CCN5: variants seen among roughly 807,000 people sequenced by gnomAD.
The protein encoded by CCN5 is CCN family member 5.
A neutral mutation model predicts 18.7 loss-of-function variants in CCN5; 17 were observed. The observed-to-expected ratio is 0.91, with a 90% confidence interval of 0.62 to 1.36. CCN5 has a LOEUF of 1.36. Ranked by LOEUF, CCN5 falls within the 40% of genes most tolerant of loss-of-function variation. The probability of loss-of-function intolerance (pLI) is 0.00; values close to 1 mark genes in which losing one functional copy is unlikely to be tolerated. For missense variants in CCN5, 367 were observed against 342.9 expected (o/e 1.07, Z -0.56); for synonymous variants, 135 against 145.2 (o/e 0.93, Z 0.50).
At chr20:44,726,524 C>T (rs566055507) in intron 3 of CCN5, among the ~76,000 whole-genome samples, 1 of 152,112 alleles carries the variant, frequency 6.6e-6, no homozygotes, top group Non-Finnish European at 1.5e-5. Context: ...AGCATCCCCC[C>T]AGTTGTGATC....
chr20:44,724,903 C>G lies in CCN5; in HGVS notation c.443C>G (p.Pro148Arg). 1.3e-6 allele frequency: 2 copies of G among 1,593,616 alleles called. No individual in the cohort carries two copies. The highest frequency in any genetic ancestry group is 1.7e-6 in the Non-Finnish European group (2 of 1,171,418). Reference protein sequence around the residue: ...VRLPSWDCPHPRRVEVLGKCC... With the variant: ...VRLPSWDCPHRRRVEVLGKCC... ...CTGCCCAGCTGGGACTGCCCCCACC[C>G]CAGGAGGGTCGAGGTCCTGGGCAAG... Residue 148 changes from proline (P) to arginine (R), a missense_variant, in exon 3 of 4, where the codon CCC (proline) becomes CGC (arginine). Physicochemically the swap from Pro to Arg is moderately radical, Grantham distance 103 (BLOSUM62 -2). Coordinates refer to ENST00000190983, the MANE Select transcript of CCN5 (RefSeq NM_003881.4).
chr20:44,715,262 AGCGCGC>A (rs1212124803), upstream of CCN5: 10 of 331,336 alleles, frequency 3.0e-5, no homozygotes, highest in African/African-American at 3.3e-4. Flanking sequence ...TGTGTGTGTG[AGCGCGC>A]GCGCGCGCGC....
chr20:44,726,874 T>G (rs1477604404), intron 3 of CCN5, among the ~76,000 whole-genome samples: 1 of 152,200 alleles, frequency 6.6e-6, no homozygotes, highest in Non-Finnish European at 1.5e-5. Context: ...CTAATATTTA[T>G]GGAAATCTTA....
intron 2 of CCN5, 164 bp downstream of exon 2, chr20:44,720,277 C>T (rs2065890357): frequency 2.9e-6 from 2 of 699,912 alleles, no homozygotes; most frequent in Non-Finnish European, 4.8e-6. Flanking sequence ...CCACTCCCCA[C>T]TCCCTCCTCT....
upstream of CCN5, chr20:44,715,302 T>G: frequency 7.9e-7 from 1 of 1,272,882 alleles, no homozygotes; most frequent in African/African-American, 1.5e-5. Context: ...TGCGTGTGCC[T>G]GTGTGTGCCT....
intron 2 of CCN5, chr20:44,720,396 C>T (rs905476213): frequency 6.1e-6 from 3 of 492,926 alleles, no homozygotes; most frequent in African/African-American, 6.0e-5. Flanking sequence ...CAGCTTCTCC[C>T]CTGAGAAGCC....
upstream of CCN5, chr20:44,715,214 A>G (rs1430650398): frequency 3.9e-5 from 24 of 616,110 alleles, no homozygotes; most frequent in Non-Finnish European, 6.4e-5. Context: ...GCAAGGAATG[A>G]AAAAGCTAGT....
At chr20:44,726,118 C>T (rs150786342) in intron 3 of CCN5, among the ~76,000 whole-genome samples, 9 of 152,294 alleles carry the variant, frequency 5.9e-5, no homozygotes, top group African/African-American at 9.6e-5. Flanking sequence ...CACTTCATAG[C>T]GTTGTGAGAA....
In CCN5 at chr20:44,724,873, T is replaced by A; in HGVS notation, c.413T>A (p.Val138Glu). 1 of 1,595,244 alleles carries A rather than the reference T, an allele frequency of 6.3e-7. No homozygotes were observed. Among genetic ancestry groups the A allele is most frequent in the South Asian group, 1.1e-5 (1 of 88,246 alleles). The change falls in exon 3 of 4, where the codon GTG (valine) becomes GAG (glutamate). Residue 138 changes from valine (V) to glutamate (E), a missense_variant. Physicochemically the swap from Val to Glu is moderately radical, Grantham distance 121. Coordinates refer to ENST00000190983, the MANE Select transcript of CCN5 (RefSeq NM_003881.4). The stretch of plus-strand genomic sequence containing the variant: ...TGCGTGCCGCTGTGCAGCGAGGATG[T>A]GCGGCTGCCCAGCTGGGACTGCCCC... Reference protein sequence around the residue: ...FTCVPLCSEDVRLPSWDCPHP... With the variant: ...FTCVPLCSEDERLPSWDCPHP...
At chr20:44,721,702 G>A (rs1289969025) in intron 2 of CCN5, among the ~76,000 whole-genome samples, 1 of 152,122 alleles carries the variant, frequency 6.6e-6, no homozygotes, top group Non-Finnish European at 1.5e-5. Flanking sequence ...GCTGTGACAC[G>A]TGTAAACAGC....
chr20:44,717,358 T>A (rs1235152526), intron 1 of CCN5, among the ~76,000 whole-genome samples: 1 of 152,154 alleles, frequency 6.6e-6, no homozygotes, highest in African/African-American at 2.4e-5. Context: ...TACAGAGTCC[T>A]GCCCCCTGAC....
At chr20:44,726,605 T>C (rs1188776542) in intron 3 of CCN5, among the ~76,000 whole-genome samples, 1 of 152,050 alleles carries the variant, frequency 6.6e-6, no homozygotes, top group African/African-American at 2.4e-5. Flanking sequence ...GGACTTCTAG[T>C]GTAAGACTAG....
intron 1 of CCN5, among the ~76,000 whole-genome samples, chr20:44,718,564 G>A (rs766017526): frequency 6.6e-6 from 1 of 152,164 alleles, no homozygotes; most frequent in Non-Finnish European, 1.5e-5. Context: ...TGCTTTGGTT[G>A]TTTCTCTGAT....
At chr20:44,720,161 C>A in intron 2 of CCN5, 48 bp downstream of exon 2, 2 of 1,524,634 alleles carry the variant, frequency 1.3e-6, no homozygotes, top group South Asian at 2.4e-5. Flanking sequence ...AGCGGGAGGT[C>A]AAGGCCGTGG....
chr20:44,715,303 G>T, upstream of CCN5: 1 of 1,299,458 alleles, frequency 7.7e-7, no homozygotes, highest in Non-Finnish European at 1.1e-6. Flanking sequence ...GCGTGTGCCT[G>T]TGTGTGCCTG....
rs147686268 is a variant in CCN5 at position 44,715,398 on chromosome 20, G to A, written c.8G>A (p.Gly3Asp). The A allele has an allele frequency of 5.1e-4, 815 of 1,602,636 alleles. 6 individuals carry two copies. In the African/African-American group the frequency reaches 9.1e-3, roughly 18 times the overall value. Residue 3 changes from glycine to aspartate, a missense_variant, in exon 1 of 4, where the codon GGC (glycine) becomes GAC (aspartate). Transcript: ENST00000190983. The part of the protein sequence containing the change: MR[G>D]TPKTHLLAFS... ...GCTGGCTCTGCAGGGGACATGAGAG[G>A]CACACCGAAGACCCACCTCCTGGCC...
rs757067522 is a variant in CCN5 at position 44,720,167 on chromosome 20, C to T, written c.277+54C>T. Reference sequence around the variant, plus strand: ...GCGGGTGTGAGCGGGAGGTCAAGGCCGTGGTGTCCTGGATCAAAGTGCAGC... The same window carrying T: ...GCGGGTGTGAGCGGGAGGTCAAGGCTGTGGTGTCCTGGATCAAAGTGCAGC... On this transcript the variant is annotated intron_variant, in intron 2 of 3. Coordinates refer to ENST00000190983, the MANE Select transcript of CCN5 (RefSeq NM_003881.4). The T allele has an allele frequency of 9.2e-4, 1,392 of 1,515,096 alleles. 2 individuals are homozygous for T. The highest frequency in any genetic ancestry group is 1.2e-3 in the Non-Finnish European group (1,336 of 1,129,250). 93.9% of individuals were successfully genotyped at this position (1,515,096 alleles called of 1,614,324 possible).
At chr20:44,719,763 A>T in intron 1 of CCN5, 134 bp from the exon 2 acceptor site, 1 of 854,658 alleles carries the variant, frequency 1.2e-6, no homozygotes, top group Non-Finnish European at 1.8e-6. Context: ...CTGGCCTTTG[A>T]GGCCAGGTCT....
chr20:44,715,258 TGTGAGCGC>T (rs1297197484), upstream of CCN5: 616 of 302,222 alleles, frequency 2.0e-3, 6 homozygotes, highest in African/African-American at 0.013. Context: ...TGTGTGTGTG[TGTGAGCGC>T]GCGCGCGCGC....
Sources: gnomAD v4.1 joint callset for allele counts (sites outside exome capture counted in the v4.1 genomes callset) on GRCh38, gnomAD v4.1.1 for gene constraint, MANE v1.5 for transcripts, NCBI Gene and HGNC (gene_info 2026-07-23, HGNC 2026-07-21) for gene names.